SPOCK3: variants seen among roughly 807,000 people sequenced by gnomAD.
SPOCK3 encodes testican-3.
In SPOCK3, 30 loss-of-function variants were observed where a neutral mutation model predicts 56.6. The ratio of observed to expected loss-of-function variants is 0.53; its 90% CI spans 0.40 to 0.72. The LOEUF (loss-of-function observed/expected upper bound fraction) is 0.72, where lower values mean the gene tolerates loss of function less well. SPOCK3 is among the 30% of genes least tolerant of loss of function. SPOCK3 has a pLI of 0.00. For missense variants in SPOCK3, 527 were observed against 530.0 expected (o/e 0.99, Z 0.06); for synonymous variants, 196 against 183.3 (o/e 1.07, Z -0.56).
chr4:166,802,498 G>A (rs757687355), intron 6 of SPOCK3, among the ~76,000 whole-genome samples: 7 of 152,118 alleles, frequency 4.6e-5, no homozygotes, highest in Non-Finnish European at 1.0e-4. Context: ...CTTCCTAGAC[G>A]GCATTTTTTT....
intron 2 of SPOCK3, among the ~76,000 whole-genome samples, chr4:167,137,851 T>A (rs1283722320): frequency 6.6e-6 from 1 of 151,864 alleles, no homozygotes; most frequent in African/African-American, 2.4e-5. Flanking sequence ...ATCTAATACA[T>A]GTATATGTAT....
At chr4:167,111,050 A>G (rs1760860850) in intron 2 of SPOCK3, among the ~76,000 whole-genome samples, 2 of 152,036 alleles carry the variant, frequency 1.3e-5, no homozygotes, top group African/African-American at 4.8e-5. Context: ...AAGAAATATA[A>G]TTTAATATAA....
chr4:167,154,255 TAGAA>T (rs1235748890), intron 2 of SPOCK3, among the ~76,000 whole-genome samples: 1 of 151,794 alleles, frequency 6.6e-6, no homozygotes, highest in Non-Finnish European at 1.5e-5. Flanking sequence ...ACACTGCATC[TAGAA>T]AGAGAGTAAG....
At chr4:166,864,287 AAGAG>A (rs2126921015) in intron 6 of SPOCK3, among the ~76,000 whole-genome samples, 1 of 152,214 alleles carries the variant, frequency 6.6e-6, no homozygotes, top group Non-Finnish European at 1.5e-5. Context: ...AAGCAGTGTT[AAGAG>A]GGAAATTTAT....
intron 2 of SPOCK3, among the ~76,000 whole-genome samples, chr4:167,149,505 T>C (rs1341785047): frequency 1.3e-5 from 2 of 152,136 alleles, no homozygotes; most frequent in Non-Finnish European, 2.9e-5. Flanking sequence ...GCTACAATTA[T>C]GCTTTGAAGA....
At chr4:166,972,512 A>G (rs1040784412) in intron 4 of SPOCK3, among the ~76,000 whole-genome samples, 5 of 152,190 alleles carry the variant, frequency 3.3e-5, no homozygotes, top group African/African-American at 1.2e-4. Flanking sequence ...AGAGGGGAGA[A>G]AAAGAAACAA....
intron 3 of SPOCK3, among the ~76,000 whole-genome samples, chr4:167,014,949 C>CT (rs1433296483): frequency 2.0e-5 from 3 of 151,770 alleles, no homozygotes; most frequent in East Asian, 3.9e-4. Flanking sequence ...GAAAATTACT[C>CT]TTTTTTCTAA....
intron 2 of SPOCK3, among the ~76,000 whole-genome samples, chr4:167,172,762 GTA>G (rs1730622875): frequency 6.6e-6 from 1 of 152,006 alleles, no homozygotes; most frequent in African/African-American, 2.4e-5. Flanking sequence ...GTGTGTGTGT[GTA>G]TATGTATATG....
At chr4:167,157,684 C>T (rs891562800) in intron 2 of SPOCK3, among the ~76,000 whole-genome samples, 4 of 149,896 alleles carry the variant, frequency 2.7e-5, no homozygotes, top group Admixed American at 6.7e-5. Flanking sequence ...TAACAGTAAA[C>T]ATATTACCAA....
At chr4:167,174,106 CTTAT>C (rs1730748891) in intron 2 of SPOCK3, among the ~76,000 whole-genome samples, 1 of 152,134 alleles carries the variant, frequency 6.6e-6, no homozygotes, top group South Asian at 2.1e-4. Flanking sequence ...TTATTCCTTA[CTTAT>C]TTATGCAAGA....
At chr4:166,936,554 T>C (rs1740428977) in intron 4 of SPOCK3, among the ~76,000 whole-genome samples, 1 of 152,076 alleles carries the variant, frequency 6.6e-6, no homozygotes, top group Admixed American at 6.5e-5. Context: ...GTAGGATCTC[T>C]AGTTATCCAG....
At chr4:166,859,294 A>G (rs892090321) in intron 6 of SPOCK3, among the ~76,000 whole-genome samples, 1 of 152,188 alleles carries the variant, frequency 6.6e-6, no homozygotes, top group East Asian at 1.9e-4. Flanking sequence ...ATAAAAATAT[A>G]CATAAACATA....
chr4:166,820,786 T>A (rs1022847009), intron 6 of SPOCK3, among the ~76,000 whole-genome samples: 3 of 152,082 alleles, frequency 2.0e-5, no homozygotes, highest in East Asian at 1.9e-4. Flanking sequence ...ATCATGCCAC[T>A]CTGTCTGAGT....
chr4:166,938,990 T>G lies in SPOCK3; in HGVS notation c.351-26247A>C, dbSNP rs542064080. 8.6e-5 allele frequency among the ~76,000 whole-genome samples: 13 copies of G among 150,920 alleles called. No individual in the cohort carries two copies. In the East Asian group the frequency reaches 2.5e-3, roughly 29 times the overall value. ...ACACACACACACACACAGATTCTCT[T>G]TAAATCCTATGAAATGTATGAAACA... is the stretch of plus-strand genomic sequence containing the variant. On this transcript the variant is annotated intron_variant, in intron 4 of 10. Transcript: ENST00000357545.
intron 6 of SPOCK3, among the ~76,000 whole-genome samples, chr4:166,851,941 T>C (rs62353213): frequency 0.073 from 11,017 of 151,776 alleles, 509 homozygotes; most frequent in Non-Finnish European, 0.1. Context: ...ATGTGGCACA[T>C]ATACACCATG....
intron 4 of SPOCK3, among the ~76,000 whole-genome samples, chr4:166,944,909 C>T (rs1401783408): frequency 3.3e-5 from 5 of 152,082 alleles, no homozygotes; most frequent in African/African-American, 9.7e-5. Context: ...TTTATTCACT[C>T]ATTTATTTAT....
At chr4:166,927,720 G>A (rs1739281093) in intron 4 of SPOCK3, among the ~76,000 whole-genome samples, 1 of 152,044 alleles carries the variant, frequency 6.6e-6, no homozygotes, top group African/African-American at 2.4e-5. Flanking sequence ...AGAAAGAATT[G>A]AAAAGCTGTA....
chr4:167,191,782 C>A (rs1732489165), intron 2 of SPOCK3, among the ~76,000 whole-genome samples: 1 of 144,572 alleles, frequency 6.9e-6, no homozygotes, highest in Non-Finnish European at 1.5e-5. Flanking sequence ...ATTTCTTTTT[C>A]TTGTCTAATG....
Position 166,767,760 on chromosome 4 carries a change from C to T in SPOCK3, c.710-13031G>A, listed in dbSNP as rs150773780. On this transcript the variant is annotated intron_variant, in intron 7 of 10. Coordinates refer to ENST00000357545, the MANE Select transcript of SPOCK3 (RefSeq NM_001040159.2). ...GGATATCCTTGTTAACTTTCTATGT[C>T]GTTGATCTGTCTAATGTTGACAGTA... Among the ~76,000 whole-genome samples the T allele has an allele frequency of 7.5e-3, 1,136 of 152,210 alleles. 5 individuals carry two copies. The highest frequency in any genetic ancestry group is 0.01 in the Middle Eastern group (3 of 294).
Sources: gnomAD v4.1 joint callset for allele counts (sites outside exome capture counted in the v4.1 genomes callset) on GRCh38, gnomAD v4.1.1 for gene constraint, MANE v1.5 for transcripts, NCBI Gene and HGNC (gene_info 2026-07-23, HGNC 2026-07-21) for gene names.